The following SLC35D2 variants were observed in gnomAD, a reference collection of about 807,000 sequenced individuals.
The protein encoded by SLC35D2 is nucleotide sugar transporter SLC35D2.
In SLC35D2, 43 loss-of-function variants were observed where a neutral mutation model predicts 41.8. The observed-to-expected ratio is 1.03, with a 90% confidence interval of 0.81 to 1.33. The LOEUF is 1.33. SLC35D2 is among the 40% of genes most tolerant of loss of function. SLC35D2 has a pLI of 0.00. For missense variants in SLC35D2, 380 were observed against 408.4 expected, an observed-to-expected ratio of 0.93 and a Z score of 0.60; for synonymous variants, 150 against 163.9, an observed-to-expected ratio of 0.92 and a Z score of 0.65.
chr9:96,372,910 T>G (rs1214292664), intron 1 of SLC35D2, among the ~76,000 whole-genome samples: 3 of 150,852 alleles, frequency 2.0e-5, no homozygotes, highest in Non-Finnish European at 3.0e-5. Flanking sequence ...TTTTTTTGTT[T>G]TTTTTTTTTG....
intron 6 of SLC35D2, among the ~76,000 whole-genome samples, chr9:96,345,862 G>A (rs998271186): frequency 2.6e-5 from 4 of 152,310 alleles, no homozygotes; most frequent in East Asian, 1.9e-4. Context: ...TGCCCAAACC[G>A]CACCCCGTCC....
At chr9:96,351,271 T>C in intron 5 of SLC35D2, 100 bp from the exon 6 acceptor site, 1 of 827,966 alleles carries the variant, frequency 1.2e-6, no homozygotes, top group Non-Finnish European at 2.0e-6. Flanking sequence ...CATCAGCATT[T>C]TTATAGCTAA....
At chr9:96,382,113 G>A (rs1048520474) in intron 1 of SLC35D2, among the ~76,000 whole-genome samples, 13 of 152,126 alleles carry the variant, frequency 8.5e-5, no homozygotes, top group African/African-American at 3.1e-4. Flanking sequence ...TTTAGTAGGT[G>A]CTTAATAAAT....
At chr9:96,340,755 T>C (rs911926828) in intron 8 of SLC35D2, among the ~76,000 whole-genome samples, 2 of 152,066 alleles carry the variant, frequency 1.3e-5, no homozygotes, top group Non-Finnish European at 2.9e-5. Flanking sequence ...TTATAATTTT[T>C]CTTATTGGTT....
At chr9:96,368,886 T>C (rs1830576068) in intron 1 of SLC35D2, among the ~76,000 whole-genome samples, 1 of 151,956 alleles carries the variant, frequency 6.6e-6, no homozygotes, top group South Asian at 2.1e-4. Context: ...TGCCTCAGCC[T>C]CCCGAGTAGC....
At chr9:96,380,949 C>G (rs574833659) in intron 1 of SLC35D2, among the ~76,000 whole-genome samples, 1 of 152,156 alleles carries the variant, frequency 6.6e-6, no homozygotes, top group Non-Finnish European at 1.5e-5. Context: ...AGAATACTGA[C>G]GGCCACAGGA....
chr9:96,364,438 A>G, intron 3 of SLC35D2, 26 bp downstream of exon 3: 1 of 1,280,812 alleles, frequency 7.8e-7, no homozygotes, highest in Non-Finnish European at 1.1e-6. Context: ...CTTCTATCAC[A>G]GTCATACATA....
downstream of SLC35D2, among the ~76,000 whole-genome samples, chr9:96,318,774 T>A (rs1014825315): frequency 1.3e-5 from 2 of 152,136 alleles, no homozygotes; most frequent in African/African-American, 4.8e-5. Context: ...CTGGGCAACA[T>A]AGTGAGATCC....
intron 4 of SLC35D2, among the ~76,000 whole-genome samples, chr9:96,357,957 T>G (rs1830095112): frequency 6.6e-6 from 1 of 151,720 alleles, no homozygotes; most frequent in Non-Finnish European, 1.5e-5. Context: ...GAGAATCGCT[T>G]GAGCCCAGCA....
chr9:96,366,118 C>G (rs1214447366), intron 2 of SLC35D2, among the ~76,000 whole-genome samples: 2 of 152,004 alleles, frequency 1.3e-5, no homozygotes, highest in Non-Finnish European at 2.9e-5. Context: ...GCCTGGGCAT[C>G]ATGGCGAAAC....
At chr9:96,370,782 A>C (rs1211616061) in intron 1 of SLC35D2, among the ~76,000 whole-genome samples, 1 of 152,216 alleles carries the variant, frequency 6.6e-6, no homozygotes, top group African/African-American at 2.4e-5. Flanking sequence ...AGTCTTGCTA[A>C]TTGCTTCAGG....
At chr9:96,321,393 TC>T in intron 11 of SLC35D2, 52 bp from the exon 12 acceptor site, 1 of 1,332,402 alleles carries the variant, frequency 7.5e-7, no homozygotes, top group Non-Finnish European at 1.1e-6. Flanking sequence ...TCACAGGGGC[TC>T]CAGCAGCAGT....
chr9:96,382,498 A>ACACACACAC (rs374142868), intron 1 of SLC35D2, among the ~76,000 whole-genome samples: 2 of 103,098 alleles, frequency 1.9e-5, no homozygotes, highest in Non-Finnish European at 3.9e-5. Context: ...CACACACACT[A>ACACACACAC]TATATATATA....
chr9:96,321,965 C>A (rs1828253202), intron 11 of SLC35D2, 33 bp downstream of exon 11: 1 of 1,261,172 alleles, frequency 7.9e-7, no homozygotes, highest in Admixed American at 1.8e-5. Context: ...TTCTTGTCTT[C>A]CCAAAGCGAG....
Position 96,321,973 on chromosome 9 carries a change from G to A in SLC35D2, c.914+25C>T, listed in dbSNP as rs367907900. 93 of 1,315,562 alleles carry A rather than the reference G, an allele frequency of 7.1e-5. No homozygotes were observed. The Admixed American group carries it at 9.7e-4, about 14-fold the overall frequency. The allele number at this position is 1,315,562 out of a possible 1,614,324, so 81.5% of individuals were successfully genotyped here. A position where few individuals can be genotyped will look rare whatever the true frequency, so the allele number is the denominator to read the frequency against. ...TTTAAGGTTCTTGTCTTCCCAAAGC[G>A]AGTCCATTAAAAATTCCCACTCACC... On this transcript the variant is annotated intron_variant, in intron 11 of 11. Transcript: ENST00000253270.
At chr9:96,375,847 G>A (rs769420269) in intron 1 of SLC35D2, among the ~76,000 whole-genome samples, 53 of 151,494 alleles carry the variant, frequency 3.5e-4, no homozygotes, top group African/African-American at 1.2e-3. Context: ...GCAAAACCCC[G>A]TCTCTACTAA....
At chr9:96,340,556 G>A (rs1378956587) in intron 8 of SLC35D2, among the ~76,000 whole-genome samples, 1 of 140,792 alleles carries the variant, frequency 7.1e-6, no homozygotes, top group African/African-American at 2.6e-5. Context: ...GGAGGCGGAG[G>A]TTGCAGTGAG....
At chr9:96,322,717 G>GGTTTTT (rs1401477705) in intron 10 of SLC35D2, among the ~76,000 whole-genome samples, 8 of 111,404 alleles carry the variant, frequency 7.2e-5, no homozygotes, top group African/African-American at 1.1e-4. Flanking sequence ...GTTTTCTGGG[G>GGTTTTT]TTTTTTTTTT....
At chr9:96,377,750 C>G (rs1166190600) in intron 1 of SLC35D2, among the ~76,000 whole-genome samples, 3 of 152,128 alleles carry the variant, frequency 2.0e-5, no homozygotes, top group Non-Finnish European at 4.4e-5. Context: ...GGCCCTGAAG[C>G]CACAGGAAGG....
Sources: allele counts gnomAD v4.1 joint callset (sites outside exome capture counted in the v4.1 genomes callset), GRCh38; gene constraint gnomAD v4.1.1; transcripts MANE v1.5; gene names NCBI Gene and HGNC (gene_info 2026-07-23, HGNC 2026-07-21).